The following FCHO2 variants were observed in gnomAD, a reference collection of about 807,000 sequenced individuals.
FCHO2 encodes the protein FCH and mu domain containing endocytic adaptor 2.
FCHO2 carries 43 observed loss-of-function variants against 114.1 expected under a neutral mutation model. The observed-to-expected ratio is 0.38, with a 90% CI of 0.30 to 0.49. FCHO2 has a LOEUF of 0.49. Ranked by LOEUF, FCHO2 falls within the 20% of genes least tolerant of loss-of-function variation. FCHO2 has a pLI of 0.97. For synonymous variants in FCHO2, 293 were observed against 315.2 expected, an observed-to-expected ratio of 0.93 and a Z score of 0.75; for missense variants, 807 against 950.4, an observed-to-expected ratio of 0.85 and a Z score of 1.98.
At chr5:73,068,862 T>A in intron 19 of FCHO2, 83 bp downstream of exon 19, 1 of 1,409,116 alleles carries the variant, frequency 7.1e-7, no homozygotes, top group Non-Finnish European at 9.4e-7. Context: ...TTAAATGGGC[T>A]AATGAAGAAT....
intron 19 of FCHO2, among the ~76,000 whole-genome samples, chr5:73,073,478 G>T (rs1045387037): frequency 1.3e-5 from 2 of 151,930 alleles, no homozygotes; most frequent in Non-Finnish European, 2.9e-5. Context: ...CTTCAAAAAG[G>T]CACCATTTTT....
At chr5:72,979,769 T>C (rs1753098342) in intron 2 of FCHO2, among the ~76,000 whole-genome samples, 1 of 152,212 alleles carries the variant, frequency 6.6e-6, no homozygotes. Flanking sequence ...TAGTTTGTAA[T>C]TCTATTGGAT....
intron 5 of FCHO2, among the ~76,000 whole-genome samples, chr5:73,004,596 C>T (rs1289890071): frequency 6.6e-6 from 1 of 151,942 alleles, no homozygotes; most frequent in Non-Finnish European, 1.5e-5. Flanking sequence ...GACCCTATTC[C>T]AAGCATTTTG....
At chr5:73,017,900 A>T (rs1755391449) in intron 8 of FCHO2, among the ~76,000 whole-genome samples, 1 of 152,154 alleles carries the variant, frequency 6.6e-6, no homozygotes, top group Non-Finnish European at 1.5e-5. Flanking sequence ...TGATTACAGA[A>T]GTTCAAATTC....
intron 1 of FCHO2, 76 bp downstream of exon 1, chr5:72,956,205 T>A: frequency 7.1e-7 from 1 of 1,416,316 alleles, no homozygotes; most frequent in African/African-American, 1.5e-5. Flanking sequence ...TGCGTGCGCT[T>A]CGGGCGGCGG....
At chr5:73,054,687 T>C (rs1580174948) in intron 15 of FCHO2, 138 bp downstream of exon 15, 2 of 596,922 alleles carry the variant, frequency 3.4e-6, no homozygotes, top group East Asian at 3.2e-5. Context: ...AGGATAATTA[T>C]TTTAAATAGA....
intron 24 of FCHO2, among the ~76,000 whole-genome samples, chr5:73,087,025 T>C (rs1249425401): frequency 1.3e-5 from 2 of 152,166 alleles, no homozygotes; most frequent in Non-Finnish European, 2.9e-5. Context: ...TAATTATTGG[T>C]TTACTGTTCC....
intron 2 of FCHO2, among the ~76,000 whole-genome samples, chr5:72,988,738 TCA>T (rs2112663867): frequency 6.6e-6 from 1 of 152,342 alleles, no homozygotes; most frequent in East Asian, 1.9e-4. Flanking sequence ...TAAATGTGCA[TCA>T]CAGTGTTGAA....
intron 5 of FCHO2, among the ~76,000 whole-genome samples, chr5:73,002,899 A>G (rs1754520535): frequency 6.6e-6 from 1 of 152,246 alleles, no homozygotes; most frequent in South Asian, 2.1e-4. Flanking sequence ...TACACAGTCT[A>G]TAAAAAGAAA....
intron 5 of FCHO2, chr5:72,996,968 G>A (rs1754153313): frequency 6.2e-6 from 10 of 1,607,410 alleles, no homozygotes; most frequent in East Asian, 4.5e-5. Flanking sequence ...CGTGGCCTTC[G>A]CCGCCAAGCT....
At chr5:73,062,261 A>G (rs1358655806) in intron 17 of FCHO2, among the ~76,000 whole-genome samples, 2 of 152,094 alleles carry the variant, frequency 1.3e-5, no homozygotes, top group Admixed American at 1.3e-4. Flanking sequence ...ATTCATTTAT[A>G]AACAGTGGTG....
At chr5:73,019,665 A>C (rs1162921832) in intron 8 of FCHO2, among the ~76,000 whole-genome samples, 1 of 152,232 alleles carries the variant, frequency 6.6e-6, no homozygotes, top group Non-Finnish European at 1.5e-5. Context: ...AAAACATTCC[A>C]GTGCACGTAA....
intron 8 of FCHO2, chr5:73,034,428 G>A (rs1344686622): frequency 5.1e-6 from 2 of 389,736 alleles, no homozygotes; most frequent in Non-Finnish European, 9.1e-6. Flanking sequence ...AAATTATTGT[G>A]ATCATAATGG....
At position 72,990,767 on chromosome 5, in the gene FCHO2, C is replaced by G. The variant is rs1189949628; in HGVS notation, c.398C>G (p.Thr133Ser). Residue 133 changes from threonine (T) to serine (S), a missense_variant, in exon 5 of 26, where the codon ACT becomes AGT. Thr to Ser is a moderately conservative substitution (Grantham distance 58, BLOSUM62 1). Transcript: ENST00000430046. ...LEAVQTIQSI[T>S]QALQKSKENY... is the part of the protein sequence containing the mutation. ...GCTGTCCAAACCATTCAGAGCATAACTCAGGCCCTCCAGAAATCCAAGGAA... is the reference window on the plus strand; with the variant it reads ...GCTGTCCAAACCATTCAGAGCATAAGTCAGGCCCTCCAGAAATCCAAGGAA... 2 of 1,556,372 alleles carry G rather than the reference C, an allele frequency of 1.3e-6. No homozygotes were observed. Among genetic ancestry groups the G allele is most frequent in the African/African-American group, 1.4e-5 (1 of 73,238 alleles).
At chr5:73,008,607 G>A (rs777948029) in intron 6 of FCHO2, among the ~76,000 whole-genome samples, 3 of 152,066 alleles carry the variant, frequency 2.0e-5, no homozygotes, top group Non-Finnish European at 2.9e-5. Context: ...CAGTTTTGGA[G>A]GAGCCAAGTA....
chr5:72,964,533 C>G (rs530929200), intron 1 of FCHO2, among the ~76,000 whole-genome samples: 9 of 151,996 alleles, frequency 5.9e-5, no homozygotes, highest in Non-Finnish European at 1.2e-4. Flanking sequence ...TACAGGGGCA[C>G]GCCACCACAC....
At chr5:73,073,101 T>C (rs971885376) in intron 19 of FCHO2, among the ~76,000 whole-genome samples, 4 of 152,058 alleles carry the variant, frequency 2.6e-5, no homozygotes, top group African/African-American at 9.7e-5. Context: ...AGTAAATGTA[T>C]ACTTAATCAG....
chr5:73,044,413 C>T (rs1756959724), intron 11 of FCHO2, among the ~76,000 whole-genome samples: 1 of 152,066 alleles, frequency 6.6e-6, no homozygotes, highest in Non-Finnish European at 1.5e-5. Flanking sequence ...TATGTTTTTT[C>T]ATTTTTAGTA....
At chr5:73,031,328 G>A (rs1756232293) in intron 8 of FCHO2, among the ~76,000 whole-genome samples, 1 of 152,146 alleles carries the variant, frequency 6.6e-6, no homozygotes, top group Non-Finnish European at 1.5e-5. Context: ...GAGTGTTTGT[G>A]TTTAGCTCTG....
Sources: gnomAD v4.1 joint callset for allele counts (sites outside exome capture counted in the v4.1 genomes callset) on GRCh38, gnomAD v4.1.1 for gene constraint, MANE v1.5 for transcripts, NCBI Gene and HGNC (gene_info 2026-07-23, HGNC 2026-07-21) for gene names.